MRAP2: variants seen among roughly 807,000 people sequenced by gnomAD.
The protein encoded by MRAP2 is melanocortin-2 receptor accessory protein 2.
Under a neutral mutation model 17.4 loss-of-function variants are expected in MRAP2, and 20 were observed. The ratio of observed to expected loss-of-function variants is 1.15; its 90% CI spans 0.81 to 1.67. The LOEUF (loss-of-function observed/expected upper bound fraction) is 1.67. Ranked by LOEUF, MRAP2 falls within the 40% of genes most tolerant of loss-of-function variation. The pLI is 0.00. For synonymous variants in MRAP2, 96 were observed against 88.4 expected (o/e 1.09, Z -0.48); for missense variants, 238 against 240.0 (o/e 0.99, Z 0.05).
chr6:84,049,041 G>A (rs2099489739), intron 1 of MRAP2, among the ~76,000 whole-genome samples: 1 of 152,070 alleles, frequency 6.6e-6, no homozygotes, highest in Non-Finnish European at 1.5e-5. Flanking sequence ...CTTTCCTGGT[G>A]TGTAACATGA....
At chr6:84,048,117 T>C (rs945048313) in intron 1 of MRAP2, among the ~76,000 whole-genome samples, 7 of 152,174 alleles carry the variant, frequency 4.6e-5, no homozygotes, top group Admixed American at 2.0e-4. Flanking sequence ...TGCTTGTGGT[T>C]CTTTTGTATA....
chr6:84,136,303 C>T, the MRAP2 span, among the ~76,000 whole-genome samples: 9 of 152,154 alleles, frequency 5.9e-5, no homozygotes, highest in Admixed American at 1.3e-4. Context: ...GCTTACAGTT[C>T]GGCATCTGGA....
chr6:84,107,272 G>T, the MRAP2 span, among the ~76,000 whole-genome samples: 1 of 152,056 alleles, frequency 6.6e-6, no homozygotes, highest in East Asian at 1.9e-4. Flanking sequence ...ATCCAACTAG[G>T]TCCACTAGGC....
chr6:84,033,279 C>T (rs1200104646), upstream of MRAP2, among the ~76,000 whole-genome samples: 4 of 152,220 alleles, frequency 2.6e-5, no homozygotes, highest in Non-Finnish European at 4.4e-5. Context: ...AAACTACTCC[C>T]GGCCCAGTGC....
chr6:84,039,737 T>C (rs2099487041), intron 1 of MRAP2, among the ~76,000 whole-genome samples: 1 of 152,222 alleles, frequency 6.6e-6, no homozygotes, highest in Non-Finnish European at 1.5e-5. Context: ...CTCTTGCATG[T>C]TCTTGGTAAT....
At chr6:84,142,042 AC>A in the MRAP2 span, among the ~76,000 whole-genome samples, 1 of 151,954 alleles carries the variant, frequency 6.6e-6, no homozygotes, top group Non-Finnish European at 1.5e-5. Flanking sequence ...AACTAAAACA[AC>A]CCCCACATAC....
chr6:84,033,707 G>T (rs2099485128), upstream of MRAP2: 2 of 985,082 alleles, frequency 2.0e-6, no homozygotes, highest in Admixed American at 1.2e-4. Context: ...CTGCTCCGGC[G>T]CCCCGCGCCG....
At chr6:84,104,892 C>G in the MRAP2 span, among the ~76,000 whole-genome samples, 8 of 152,230 alleles carry the variant, frequency 5.3e-5, no homozygotes, top group South Asian at 2.1e-4. Context: ...TTTCTTTCAT[C>G]AGATACCCTA....
the MRAP2 span, among the ~76,000 whole-genome samples, chr6:84,112,735 T>C: frequency 1.3e-5 from 2 of 151,984 alleles, no homozygotes; most frequent in African/African-American, 4.9e-5. Context: ...CTTGTGGGCA[T>C]TTAGTGCTAT....
intron 3 of MRAP2, among the ~76,000 whole-genome samples, chr6:84,071,037 A>C (rs139906835): frequency 1.3e-5 from 2 of 152,268 alleles, no homozygotes; most frequent in East Asian, 3.9e-4. Flanking sequence ...GTATTTTTTT[A>C]AGTGGAGCAT....
At chr6:84,052,792 G>T in intron 1 of MRAP2, 1 of 985,188 alleles carries the variant, frequency 1.0e-6, no homozygotes, top group Non-Finnish European at 1.2e-6. Flanking sequence ...GCTGGCTCTG[G>T]TATTCACTCA....
intron 3 of MRAP2, among the ~76,000 whole-genome samples, chr6:84,064,650 G>A (rs2099494136): frequency 6.6e-6 from 1 of 152,112 alleles, no homozygotes; most frequent in South Asian, 2.1e-4. Context: ...ACCACGCCCA[G>A]CTACTTTTTT....
chr6:84,121,900 C>T, the MRAP2 span, among the ~76,000 whole-genome samples: 4 of 141,842 alleles, frequency 2.8e-5, no homozygotes, highest in East Asian at 7.8e-4. Flanking sequence ...AGAAAAACAA[C>T]AAACTGAGTT....
the MRAP2 span, among the ~76,000 whole-genome samples, chr6:84,101,504 C>T: frequency 6.6e-6 from 1 of 152,214 alleles, no homozygotes; most frequent in Non-Finnish European, 1.5e-5. Flanking sequence ...GTAATGGTTT[C>T]CCCTGTGAGC....
chr6:84,111,584 A>T, the MRAP2 span, among the ~76,000 whole-genome samples: 1 of 152,166 alleles, frequency 6.6e-6, no homozygotes, highest in Non-Finnish European at 1.5e-5. Context: ...TTCTATTTGA[A>T]TACCGTTTAT....
chr6:84,101,156 A>G, the MRAP2 span, among the ~76,000 whole-genome samples: 10 of 152,218 alleles, frequency 6.6e-5, no homozygotes, highest in African/African-American at 2.4e-4. Context: ...ATGTCACATC[A>G]TTAAAGATAT....
chr6:84,038,683 C>T (rs976074923), intron 1 of MRAP2, among the ~76,000 whole-genome samples: 2 of 151,942 alleles, frequency 1.3e-5, no homozygotes, highest in African/African-American at 2.4e-5. Flanking sequence ...TTTGTAGAGA[C>T]GTGGTTTTGC....
At chr6:84,036,504 C>T (rs2099486021) in intron 1 of MRAP2, among the ~76,000 whole-genome samples, 2 of 152,178 alleles carry the variant, frequency 1.3e-5, no homozygotes, top group South Asian at 4.2e-4. Context: ...TTTGGAGTTT[C>T]TTCCTTCTGG....
the MRAP2 span, among the ~76,000 whole-genome samples, chr6:84,141,237 T>C: frequency 6.9e-6 from 1 of 145,342 alleles, no homozygotes; most frequent in African/African-American, 2.9e-5. Flanking sequence ...GATTTGAGTT[T>C]TTATATCAAA....
Sources: allele counts gnomAD v4.1 joint callset (sites outside exome capture counted in the v4.1 genomes callset), GRCh38; gene constraint gnomAD v4.1.1; transcripts MANE v1.5; gene names NCBI Gene and HGNC (gene_info 2026-07-23, HGNC 2026-07-21).